Variants in SCNN1A observed in about 807,000 individuals in gnomAD.
SCNN1A encodes epithelial sodium channel subunit alpha.
In SCNN1A, 65 loss-of-function variants were observed where a neutral mutation model predicts 68.6. The observed-to-expected ratio is 0.95, with a 90% confidence interval of 0.78 to 1.16. The LOEUF (loss-of-function observed/expected upper bound fraction) is 1.16, where lower values mean the gene tolerates loss of function less well. Ranked by LOEUF, SCNN1A falls within the 50% of genes most tolerant of loss-of-function variation. SCNN1A has a pLI of 0.00. For missense variants in SCNN1A, 880 were observed against 865.9 expected (o/e 1.02, Z -0.20); for synonymous variants, 357 against 353.3 (o/e 1.01, Z -0.12).
intron 2 of SCNN1A, among the ~76,000 whole-genome samples, chr12:6,366,572 G>A (rs1404592457): frequency 6.6e-6 from 1 of 152,148 alleles, no homozygotes; most frequent in Non-Finnish European, 1.5e-5. Flanking sequence ...AGGGCAAGGT[G>A]GGTGGATCAC....
chr12:6,356,049 C>G (rs956953716), intron 4 of SCNN1A, 169 bp from the exon 5 acceptor site: 35 of 677,964 alleles, frequency 5.2e-5, no homozygotes, highest in Non-Finnish European at 9.4e-5. Flanking sequence ...ATGCTGAGAG[C>G]TTTACTCACA....
intron 8 of SCNN1A, among the ~76,000 whole-genome samples, chr12:6,353,417 C>T (rs1359002028): frequency 2.0e-5 from 3 of 151,884 alleles, no homozygotes; most frequent in Non-Finnish European, 4.4e-5. Flanking sequence ...TGTACCCCAC[C>T]CAGCCCCTCC....
Position 6,363,455 on chromosome 12 carries a change from G to T in SCNN1A, c.672C>A (p.Ile224=), listed in dbSNP as rs754885393. The T allele has an allele frequency of 2.5e-6, 4 of 1,591,960 alleles. No individual in the cohort carries two copies. In the South Asian group the frequency reaches 3.4e-5, roughly 14 times the overall value. Residue 224 remains isoleucine, a synonymous_variant, in exon 3 of 13, where the codon ATC becomes ATA. Transcript: ENST00000228916. ...CTGCGGGCCTCACCAGCTGGAAGCC[G>T]ATCTTCCAGTCCTTCCAGTCCACCT... ...NPQVDWKDWK[I]GFQLCNQNKS... is the part of the protein sequence containing the mutation.
chr12:6,363,399 G>A, intron 3 of SCNN1A, 44 bp downstream of exon 3: 1 of 1,473,164 alleles, frequency 6.8e-7, no homozygotes, highest in South Asian at 1.4e-5. Flanking sequence ...GGGGCCAGGG[G>A]CCGGCGAGGG....
In SCNN1A at chr12:6,374,904, A is replaced by C. The variant is rs897905329; in HGVS notation, c.-54-67T>G. 1 of 1,611,172 alleles carries C rather than the reference A, an allele frequency of 6.2e-7. No homozygotes were observed. Among genetic ancestry groups the C allele is most frequent in the Non-Finnish European group, 8.5e-7 (1 of 1,178,724 alleles). On this transcript the variant is annotated intron_variant, in intron 1 of 12. Coordinates refer to ENST00000228916, the MANE Select transcript of SCNN1A (RefSeq NM_001038.6). This position sits in a 1 kb window ranked among gnomAD's most constrained non-coding sequence, Gnocchi z 6.2. ...GGTCAAGGCTGAGCTCTGGGCCCTG[A>C]GTGCCCTCTCCCATCACCCCTGGAA...
At position 6,347,198 on chromosome 12, in the gene SCNN1A, C is replaced by G. The variant is rs1435593052; in HGVS notation, c.*675G>C. ...AAACTTTCAGGCTGAGGAAATATCT[C>G]AAGCAGACATGTAGAGGTATGAAAG... is the stretch of plus-strand genomic sequence containing the variant. On this transcript the variant is annotated 3_prime_UTR_variant, in exon 13 of 13. Coordinates refer to ENST00000228916, the MANE Select transcript of SCNN1A (RefSeq NM_001038.6). 6.5e-6 allele frequency: 1 copy of G among 152,686 alleles called. No homozygotes were observed. Among genetic ancestry groups the G allele is most frequent in the Non-Finnish European group, 1.5e-5 (1 of 68,460 alleles). 9.5% of individuals were successfully genotyped at this position (152,686 alleles called of 1,614,324 possible). A position where few individuals can be genotyped will look rare whatever the true frequency, so the allele number is the denominator to read the frequency against.
At chr12:6,369,548 A>G (rs1268380239) in intron 2 of SCNN1A, among the ~76,000 whole-genome samples, 2 of 152,158 alleles carry the variant, frequency 1.3e-5, no homozygotes, top group East Asian at 3.9e-4. Context: ...GATAAGACGG[A>G]ATGGCCGGGC....
rs754815751 is a variant in SCNN1A, at chr12:6,348,755, T to C, written c.1601A>G (p.Lys534Arg). The C allele has an allele frequency of 8.1e-6, 13 of 1,613,498 alleles. No homozygotes were observed. The highest frequency in any genetic ancestry group is 3.3e-4 in the Middle Eastern group (2 of 6,082). The change falls in exon 12 of 13, where the codon AAA becomes AGA. Residue 534 changes from lysine to arginine, a missense_variant. Lys to Arg is a conservative substitution (Grantham distance 26). Transcript: ENST00000228916. ...VNIFFKELNY[K>R]TNSESPSVTM... Reference sequence around the variant, plus strand: ...GACAGAGGGAGACTCAGAATTGGTTTTGTAGTTCAGCTCCTTGAAGAAGAT... The same window carrying C: ...GACAGAGGGAGACTCAGAATTGGTTCTGTAGTTCAGCTCCTTGAAGAAGAT...
upstream of SCNN1A, chr12:6,377,230 C>G (rs1364043413): frequency 6.5e-6 from 10 of 1,542,656 alleles, no homozygotes; most frequent in South Asian, 1.2e-4. Context: ...ACCAGGATTC[C>G]AAACCAGGTT....
chr12:6,356,437 GGAATGAATGAATGAATGAAT>G (rs148812103), intron 4 of SCNN1A: 1 of 169,118 alleles, frequency 5.9e-6, no homozygotes, highest in Non-Finnish European at 1.3e-5. Context: ...TGTTGAGTGA[GGAATGAATGAATGAATGAAT>G]GAATGAATGA....
intron 3 of SCNN1A, among the ~76,000 whole-genome samples, chr12:6,362,907 T>A (rs1948604152): frequency 6.6e-6 from 1 of 150,624 alleles, no homozygotes; most frequent in South Asian, 2.1e-4. Context: ...GGTCTAAAAC[T>A]CCTGGGCTCA....
intron 2 of SCNN1A, among the ~76,000 whole-genome samples, chr12:6,365,937 G>T (rs1948669234): frequency 6.6e-6 from 1 of 151,852 alleles, no homozygotes. Flanking sequence ...CGGCTCACAA[G>T]CTCCGCCTCC....
upstream of SCNN1A, chr12:6,375,760 C>A (rs1329223797): frequency 7.1e-7 from 1 of 1,407,532 alleles, no homozygotes; most frequent in Non-Finnish European, 9.2e-7. Context: ...GACAGGATGG[C>A]AGGTGAGGGG....
intron 4 of SCNN1A, among the ~76,000 whole-genome samples, chr12:6,358,702 T>TA (rs889924031): frequency 4.6e-5 from 7 of 151,256 alleles, no homozygotes; most frequent in East Asian, 3.9e-4. Flanking sequence ...CTACTAAAAT[T>TA]AAAAAAAATT....
rs1190080440 is a variant in SCNN1A at position 6,349,350 on chromosome 12, G to A, written c.1416C>T (p.Phe472=). Residue 472 remains phenylalanine (F), a synonymous_variant, in exon 9 of 13, where the codon TTC becomes TTT. Coordinates refer to ENST00000228916, the MANE Select transcript of SCNN1A (RefSeq NM_001038.6). ...VDFSSDHLGC[F]TKCRKPCSVT... ...ACCTGCATGGCTTCCGGCACTTGGTGAAACAGCCCAGGTGGTCTGAGGAGA... is the reference window on the plus strand; with the variant it reads ...ACCTGCATGGCTTCCGGCACTTGGTAAAACAGCCCAGGTGGTCTGAGGAGA... 1 of 1,612,226 alleles carries A rather than the reference G, an allele frequency of 6.2e-7. No individual in the cohort carries two copies. Among genetic ancestry groups the A allele is most frequent in the East Asian group, 2.2e-5 (1 of 44,818 alleles).
chr12:6,363,913 GC>G (rs1348211687), intron 2 of SCNN1A: 3 of 469,950 alleles, frequency 6.4e-6, no homozygotes, highest in Non-Finnish European at 1.1e-5. Flanking sequence ...GGAGGCCACG[GC>G]GAGCCCAGCC....
intron 3 of SCNN1A, 25 bp downstream of exon 3, chr12:6,363,418 G>T (rs1250300868): frequency 1.1e-5 from 16 of 1,508,946 alleles, no homozygotes; most frequent in Non-Finnish European, 1.4e-5. Context: ...GGGCGGGGCG[G>T]GCCCCTCGGC....
At position 6,351,667 on chromosome 12, in the gene SCNN1A, CAT is replaced by C. The variant is rs1298732085; in HGVS notation, c.1361-2264_1361-2263del. Among the ~76,000 whole-genome samples the C allele has an allele frequency of 6.6e-6, 1 of 151,840 alleles. No individual in the cohort carries two copies. Among genetic ancestry groups the C allele is most frequent in the Non-Finnish European group, 1.5e-5 (1 of 67,954 alleles). ...AAAAAAGATTCAGAATAGGCAAATC[CAT>C]AGAGAGAGAAAGAAAGAATCGTGGT... On this transcript the variant is annotated intron_variant, in intron 8 of 12. Coordinates refer to ENST00000228916, the MANE Select transcript of SCNN1A (RefSeq NM_001038.6). The surrounding 1 kb of genome is among the most constrained non-coding windows in gnomAD (Gnocchi z 4.2).
Position 6,361,980 on chromosome 12 carries a change from A to G in SCNN1A, c.875+71T>C, listed in dbSNP as rs1050989843. 1.9e-5 allele frequency: 29 copies of G among 1,500,698 alleles called. No homozygotes were observed. The East Asian group carries it at 6.1e-4, about 32-fold the overall frequency. 93.0% of individuals were successfully genotyped at this position (1,500,698 alleles called of 1,614,324 possible). ...AACAAGCATTTCCTGGGCCCTGCCCATGCAGGGCGTGAGGCTGACCCAGGG... is the reference window on the plus strand; with the variant it reads ...AACAAGCATTTCCTGGGCCCTGCCCGTGCAGGGCGTGAGGCTGACCCAGGG... On this transcript the variant is annotated intron_variant, in intron 4 of 12. Transcript: ENST00000228916.
Sources: allele counts gnomAD v4.1 joint callset (sites outside exome capture counted in the v4.1 genomes callset), GRCh38; gene constraint gnomAD v4.1.1; non-coding constraint Gnocchi (gnomAD v3.1); transcripts MANE v1.5; gene names NCBI Gene and HGNC (gene_info 2026-07-23, HGNC 2026-07-21).